TBATA: variants seen among roughly 807,000 people sequenced by gnomAD.
TBATA encodes the protein thymus, brain and testes associated.
A neutral mutation model predicts 38.7 loss-of-function variants in TBATA; 47 were observed. That is an observed-to-expected ratio of 1.21 (90% CI 0.96 to 1.55). TBATA has a LOEUF of 1.55. Ranked by LOEUF, TBATA falls within the 40% of genes most tolerant of loss-of-function variation. The probability of loss-of-function intolerance (pLI) is 0.00; values close to 1 mark genes in which losing one functional copy is unlikely to be tolerated. For missense variants in TBATA, 436 were observed against 435.6 expected (o/e 1.00, Z -0.01); for synonymous variants, 183 against 170.5 (o/e 1.07, Z -0.57).
chr10:70,783,206 G>T (rs756719454), intron 3 of TBATA, 133 bp downstream of exon 3: 39 of 1,027,372 alleles, frequency 3.8e-5, no homozygotes, highest in Non-Finnish European at 5.4e-5. Flanking sequence ...TGGCTGACCG[G>T]CAGCAGAAGT....
chr10:70,780,679 C>T (rs1017379181), intron 4 of TBATA, among the ~76,000 whole-genome samples: 5 of 152,202 alleles, frequency 3.3e-5, no homozygotes, highest in Middle Eastern at 3.4e-3. Flanking sequence ...CACCCATCTC[C>T]CACATCAGAA....
rs200286074 is a variant in TBATA at position 70,778,649 on chromosome 10, G to A, written c.428-13C>T. On this transcript the variant is annotated splice_polypyrimidine_tract_variant and intron_variant, in intron 5 of 10. Transcript: ENST00000456372. Reference sequence around the variant, plus strand: ...TTCTTCCAGGCTTCTGGGAGGAGGGGACAAGGTCCTGCCAACTGAAGTCAG... The same window carrying A: ...TTCTTCCAGGCTTCTGGGAGGAGGGAACAAGGTCCTGCCAACTGAAGTCAG... 6.2e-7 allele frequency: 1 copy of A among 1,613,814 alleles called. No individual in the cohort carries two copies. The highest frequency in any genetic ancestry group is 8.5e-7 in the Non-Finnish European group (1 of 1,179,778).
intron 3 of TBATA, among the ~76,000 whole-genome samples, chr10:70,783,018 T>TG (rs1228157926): frequency 1.3e-5 from 2 of 152,262 alleles, no homozygotes; most frequent in African/African-American, 4.8e-5. Context: ...AAACCTTCTC[T>TG]GAAAGTTGCA....
At chr10:70,778,725 C>T in intron 5 of TBATA, 89 bp from the exon 6 acceptor site, 2 of 1,163,182 alleles carry the variant, frequency 1.7e-6, no homozygotes, top group African/African-American at 1.5e-5. Flanking sequence ...GGAGTCTGCT[C>T]TCCTTCCTGG....
chr10:70,781,475 T>C (rs1344716622), intron 4 of TBATA, among the ~76,000 whole-genome samples: 1 of 152,260 alleles, frequency 6.6e-6, no homozygotes, highest in Non-Finnish European at 1.5e-5. Flanking sequence ...GCTGGCTGGA[T>C]GGCTGAGTGG....
In TBATA at chr10:70,775,203, T is replaced by A; in HGVS notation, c.761A>T (p.Tyr254Phe). ...LLSAIQFWLL[Y>F]APPKEKDLAL... Reference sequence around the variant, plus strand: ...TGTGTCCTCACCCTTGGGCGGAGCGTAGAGCAGCCAGAACTGGATTGCGCT... The same window carrying A: ...TGTGTCCTCACCCTTGGGCGGAGCGAAGAGCAGCCAGAACTGGATTGCGCT... The change falls in exon 8 of 11, where the codon TAC becomes TTC. Residue 254 changes from tyrosine to phenylalanine, a missense_variant. Coordinates refer to ENST00000456372, the MANE Select transcript of TBATA (RefSeq NM_001318241.2). 6.2e-7 allele frequency: 1 copy of A among 1,613,960 alleles called. No individual in the cohort carries two copies. The highest frequency in any genetic ancestry group is 1.1e-5 in the South Asian group (1 of 91,074).
At chr10:70,772,384 G>T in intron 10 of TBATA, 130 bp downstream of exon 10, 1 of 885,186 alleles carries the variant, frequency 1.1e-6, no homozygotes, top group Non-Finnish European at 1.9e-6. Context: ...ATGAATAAGT[G>T]AATGAATAGA....
chr10:70,783,243 C>G, intron 3 of TBATA, 96 bp downstream of exon 3: 1 of 1,407,268 alleles, frequency 7.1e-7, no homozygotes. Context: ...CTCTTGGACT[C>G]CTAATCTGTT....
At chr10:70,773,721 C>T (rs1467471644) in intron 9 of TBATA, among the ~76,000 whole-genome samples, 1 of 152,188 alleles carries the variant, frequency 6.6e-6, no homozygotes, top group African/African-American at 2.4e-5. Flanking sequence ...AAACGTGGAA[C>T]ACCCAGCGGT....
At chr10:70,772,879 CT>C (rs564742690) in intron 9 of TBATA, among the ~76,000 whole-genome samples, 69 of 152,348 alleles carry the variant, frequency 4.5e-4, no homozygotes, top group African/African-American at 1.6e-3. Context: ...AGCCCTCCCC[CT>C]AGCCCTGACT....
intron 4 of TBATA, among the ~76,000 whole-genome samples, chr10:70,781,595 T>C (rs560471895): frequency 6.6e-6 from 1 of 152,344 alleles, no homozygotes; most frequent in African/African-American, 2.4e-5. Flanking sequence ...CAGGGGAATC[T>C]GTAGGGAACC....
At chr10:70,778,838 C>T (rs796130650) in intron 5 of TBATA, 30 of 479,828 alleles carry the variant, frequency 6.3e-5, no homozygotes, top group East Asian at 5.5e-4. Context: ...GGGTGGGGTG[C>T]GGGGGTGGGG....
intron 3 of TBATA, chr10:70,782,668 GC>G: frequency 5.1e-6 from 5 of 985,234 alleles, no homozygotes; most frequent in Non-Finnish European, 6.0e-6. Context: ...GTTTTGCTTT[GC>G]TGGAGACAAG....
chr10:70,777,322 T>C lies in TBATA; in HGVS notation c.524A>G (p.Glu175Gly). The change falls in exon 7 of 11, where the codon GAG becomes GGG. Residue 175 changes from glutamate (E) to glycine (G), a missense_variant. Physicochemically the swap from Glu to Gly is moderately conservative, Grantham distance 98. Transcript: ENST00000456372. ...TGCCCCCTGCTCCCGCAGAGGCTCC[T>C]CCTTCTGCTCCTTCTGCTGGGACAA... is the stretch of plus-strand genomic sequence containing the variant. ...LKKKEQKEQK[E>G]EPLREQGAKY... The C allele has an allele frequency of 6.2e-7, 1 of 1,612,710 alleles. No homozygotes were observed. Among genetic ancestry groups the C allele is most frequent in the Non-Finnish European group, 8.5e-7 (1 of 1,179,362 alleles).
At chr10:70,775,300 CAGG>C (rs761308709) in intron 7 of TBATA, 30 bp from the exon 8 acceptor site, 3 of 1,591,522 alleles carry the variant, frequency 1.9e-6, no homozygotes, top group Admixed American at 3.3e-5. Context: ...ACATTCCAGC[CAGG>C]AGTACAGGCA....
Position 70,774,312 on chromosome 10 carries a change from A to T in TBATA, c.821T>A (p.Leu274His). 1.2e-6 allele frequency: 2 copies of T among 1,607,084 alleles called. No individual in the cohort carries two copies. The highest frequency in any genetic ancestry group is 1.7e-6 in the Non-Finnish European group (2 of 1,177,494). Reference sequence around the variant, plus strand: ...GATGGAGACTAGGGGCTGGGGAAGGAGCTGAGCCACTGCTGTCTGCAGGAG... The same window carrying T: ...GATGGAGACTAGGGGCTGGGGAAGGTGCTGAGCCACTGCTGTCTGCAGGAG... ...LGLLQTAVAQ[L>H]LPQPLVSIPT... Residue 274 changes from leucine to histidine, a missense_variant, in exon 9 of 11, where the codon CTC (leucine) becomes CAC (histidine). Leu to His is a moderately conservative substitution (Grantham distance 99). Coordinates refer to ENST00000456372, the MANE Select transcript of TBATA (RefSeq NM_001318241.2).
chr10:70,777,999 A>G, intron 6 of TBATA: 1 of 322,764 alleles, frequency 3.1e-6, no homozygotes. Flanking sequence ...GACAAGGGGC[A>G]GGACCAGACT....
chr10:70,775,537 G>C (rs1843285738), intron 7 of TBATA, among the ~76,000 whole-genome samples: 1 of 152,130 alleles, frequency 6.6e-6, no homozygotes, highest in Non-Finnish European at 1.5e-5. Flanking sequence ...CCTGAGAGGG[G>C]ATGCTAGCAG....
chr10:70,774,813 A>G (rs965397209), intron 8 of TBATA, among the ~76,000 whole-genome samples: 5 of 152,144 alleles, frequency 3.3e-5, no homozygotes, highest in African/African-American at 4.8e-5. Flanking sequence ...TATACACATG[A>G]GTAGCCTTAT....
Sources: allele counts gnomAD v4.1 joint callset (sites outside exome capture counted in the v4.1 genomes callset), GRCh38; gene constraint gnomAD v4.1.1; transcripts MANE v1.5; gene names NCBI Gene and HGNC (gene_info 2026-07-23, HGNC 2026-07-21).